Variants in ANK2 observed in about 807,000 individuals in gnomAD.
ANK2 encodes the protein ankyrin 2, also known as ankyrin-2.
In ANK2, 83 loss-of-function variants were observed where a neutral mutation model predicts 360.5. The observed-to-expected ratio is 0.23, with a 90% CI of 0.19 to 0.28. The LOEUF is 0.28. Ranked by LOEUF, ANK2 falls within the 10% of genes least tolerant of loss-of-function variation. The probability of loss-of-function intolerance (pLI) is 1.00; values close to 1 mark genes in which losing one functional copy is unlikely to be tolerated. For missense variants in ANK2, 4,201 were observed against 4,795.7 expected (o/e 0.88, Z 3.66); for synonymous variants, 1,740 against 1,759.5 (o/e 0.99, Z 0.28).
At chr4:113,066,681 G>T (rs1414438196) in intron 1 of ANK2, among the ~76,000 whole-genome samples, 2 of 152,078 alleles carry the variant, frequency 1.3e-5, no homozygotes, top group Non-Finnish European at 1.5e-5. Context: ...GGAGAAAGTG[G>T]AGTCTGAGCC....
the ANK2 span, among the ~76,000 whole-genome samples, chr4:112,775,515 T>TCTCACACACACACACACA: frequency 8.5e-6 from 1 of 118,066 alleles, no homozygotes; most frequent in African/African-American, 3.2e-5. Flanking sequence ...CTAAGCTCCA[T>TCTCACACACACACACACA]CACACACACA....
At chr4:113,192,921 A>ATT (rs5861126) in intron 2 of ANK2, among the ~76,000 whole-genome samples, 28 of 110,246 alleles carry the variant, frequency 2.5e-4, no homozygotes, top group Non-Finnish European at 4.7e-4. Flanking sequence ...GGATTGCATT[A>ATT]TTTAAAAAAA....
intron 1 of ANK2, among the ~76,000 whole-genome samples, chr4:113,074,221 G>A (rs189503525): frequency 3.3e-5 from 5 of 152,244 alleles, no homozygotes; most frequent in East Asian, 3.9e-4. Context: ...AACTTGATGT[G>A]TATTTATTAA....
At chr4:113,145,758 G>A in intron 1 of ANK2, 1 of 1,210,890 alleles carries the variant, frequency 8.3e-7, no homozygotes, top group Non-Finnish European at 1.1e-6. Flanking sequence ...CTGAGCAGAG[G>A]AGCCAAGGAT....
At chr4:113,323,725 C>A in intron 26 of ANK2, 1 of 1,593,110 alleles carries the variant, frequency 6.3e-7, no homozygotes. Flanking sequence ...TTTATCCGTT[C>A]CTTCTCTGTG....
rs2096583913 is a variant in ANK2, at chr4:113,367,587, A to T, written c.11054A>T (p.Glu3685Val). 1 of 1,613,840 alleles carries T rather than the reference A, an allele frequency of 6.2e-7. No individual in the cohort carries two copies. The highest frequency in any genetic ancestry group is 8.5e-7 in the Non-Finnish European group (1 of 1,179,960). ...HSEGFSVLQE[E>V]LCTAQHKQKE... is the part of the protein sequence containing the mutation. ...TTAGGGTTCTCGGTACTTCAAGAGG[A>T]GTTATGCACTGCACAGCACAAGCAG... Residue 3685 changes from glutamate to valine, a missense_variant, in exon 42 of 46, where the codon GAG (glutamate) becomes GTG (valine). Glu to Val is a moderately radical substitution (Grantham distance 121, BLOSUM62 -2). Transcript: ENST00000357077.
chr4:112,729,757 A>G, the ANK2 span, among the ~76,000 whole-genome samples: 1 of 151,594 alleles, frequency 6.6e-6, no homozygotes, highest in African/African-American at 2.4e-5. Context: ...CAAAAAAAAA[A>G]AAAAGAAAAG....
intron 2 of ANK2, among the ~76,000 whole-genome samples, chr4:113,004,697 A>G (rs998301652): frequency 1.3e-5 from 2 of 152,220 alleles, no homozygotes; most frequent in African/African-American, 4.8e-5. Context: ...ATAGTAGTTT[A>G]TTATCAAGTT....
At chr4:112,741,922 T>C in the ANK2 span, among the ~76,000 whole-genome samples, 72 of 152,350 alleles carry the variant, frequency 4.7e-4, no homozygotes, top group African/African-American at 1.7e-3. Flanking sequence ...AATTATAATA[T>C]AGTACTGTTT....
intron 2 of ANK2, among the ~76,000 whole-genome samples, chr4:112,950,950 C>T (rs964882490): frequency 1.4e-4 from 21 of 150,226 alleles, no homozygotes; most frequent in Non-Finnish European, 2.5e-4. Flanking sequence ...GGCGTAGTGG[C>T]GGGCGCCTGT....
intron 2 of ANK2, among the ~76,000 whole-genome samples, chr4:112,918,805 A>G (rs2090678896): frequency 6.6e-6 from 1 of 151,996 alleles, no homozygotes; most frequent in Non-Finnish European, 1.5e-5. Context: ...ATTGTCCTTG[A>G]CAGTTTGTTT....
chr4:113,076,329 C>A (rs1264971358), intron 1 of ANK2, among the ~76,000 whole-genome samples: 2 of 152,216 alleles, frequency 1.3e-5, no homozygotes, highest in Non-Finnish European at 2.9e-5. Context: ...CTTGCTAAGG[C>A]ATTGTATTCT....
intron 1 of ANK2, among the ~76,000 whole-genome samples, chr4:112,820,974 C>T (rs745858163): frequency 9.2e-5 from 14 of 152,106 alleles, no homozygotes; most frequent in East Asian, 1.9e-4. Flanking sequence ...TGCAATGGCG[C>T]GATCTTGGCT....
chr4:113,216,417 C>T (rs2099086208), intron 4 of ANK2, among the ~76,000 whole-genome samples: 1 of 152,138 alleles, frequency 6.6e-6, no homozygotes, highest in Non-Finnish European at 1.5e-5. Flanking sequence ...CATCTAAACA[C>T]CCTGATTCTT....
At chr4:113,175,704 C>A (rs1003971098) in intron 2 of ANK2, among the ~76,000 whole-genome samples, 1 of 152,196 alleles carries the variant, frequency 6.6e-6, no homozygotes, top group Non-Finnish European at 1.5e-5. Flanking sequence ...TCTATGGCTA[C>A]CCTATATGGC....
chr4:112,760,052 C>G, the ANK2 span, among the ~76,000 whole-genome samples: 1 of 152,168 alleles, frequency 6.6e-6, no homozygotes, highest in Non-Finnish European at 1.5e-5. Flanking sequence ...CCCCCTACCC[C>G]AGGCTCCTTG....
chr4:113,139,388 C>G (rs890096112), intron 1 of ANK2, among the ~76,000 whole-genome samples: 3 of 152,188 alleles, frequency 2.0e-5, no homozygotes, highest in African/African-American at 7.2e-5. Flanking sequence ...CTGGCTTAGG[C>G]TTCAAAAAAT....
intron 1 of ANK2, among the ~76,000 whole-genome samples, chr4:112,864,011 A>G (rs2069217907): frequency 6.6e-6 from 1 of 152,210 alleles, no homozygotes; most frequent in Admixed American, 6.5e-5. Flanking sequence ...TGAGAGGCTT[A>G]CATTTGGGTG....
chr4:112,728,280 G>C, the ANK2 span, among the ~76,000 whole-genome samples: 6 of 105,968 alleles, frequency 5.7e-5, no homozygotes, highest in East Asian at 3.4e-4. Flanking sequence ...GCGACAGAGC[G>C]AGACTCTGTC....
Sources: allele counts gnomAD v4.1 joint callset (sites outside exome capture counted in the v4.1 genomes callset), GRCh38; gene constraint gnomAD v4.1.1; transcripts MANE v1.5; gene names NCBI Gene and HGNC (gene_info 2026-07-23, HGNC 2026-07-21).